The following BRAF variants were observed in gnomAD, a reference collection of about 807,000 sequenced individuals.
BRAF encodes B-Raf proto-oncogene, serine/threonine kinase.
Under a neutral mutation model 104.6 loss-of-function variants are expected in BRAF, and 16 were observed. The observed-to-expected ratio is 0.15, with a 90% CI of 0.10 to 0.23. The LOEUF (loss-of-function observed/expected upper bound fraction) is 0.23. Ranked by LOEUF, BRAF falls within the 10% of genes least tolerant of loss-of-function variation. The pLI is 1.00. For synonymous variants in BRAF, 310 were observed against 341.6 expected (o/e 0.91, Z 1.02); for missense variants, 541 against 937.3 (o/e 0.58, Z 5.52).
chr7:140,806,155 G>A (rs1803638563), intron 5 of BRAF, among the ~76,000 whole-genome samples: 1 of 151,998 alleles, frequency 6.6e-6, no homozygotes, highest in Non-Finnish European at 1.5e-5. Context: ...ATGCTTTCTT[G>A]CTCTTCCCTC....
intron 19 of BRAF, chr7:140,730,869 T>C (rs1795907046): frequency 6.6e-6 from 1 of 152,218 alleles, no homozygotes; most frequent in Admixed American, 6.5e-5. Context: ...TACATAGAAT[T>C]TGATAAATTC....
chr7:140,760,887 T>C (rs879606984), intron 14 of BRAF, among the ~76,000 whole-genome samples: 171 of 152,112 alleles, frequency 1.1e-3, no homozygotes, highest in Non-Finnish European at 1.8e-3. Flanking sequence ...TATGGGACTA[T>C]GTGAAAAGAC....
downstream of BRAF, among the ~76,000 whole-genome samples, chr7:140,717,792 T>A (rs1795167464): frequency 1.3e-5 from 2 of 152,202 alleles, no homozygotes; most frequent in South Asian, 4.1e-4. Flanking sequence ...TAATCACACA[T>A]GAAGGTTTAG....
At chr7:140,782,543 T>C (rs922731918) in intron 11 of BRAF, among the ~76,000 whole-genome samples, 1 of 152,112 alleles carries the variant, frequency 6.6e-6, no homozygotes, top group Non-Finnish European at 1.5e-5. Context: ...GTAGCAATAC[T>C]ACGGCTAAAC....
intron 14 of BRAF, among the ~76,000 whole-genome samples, chr7:140,768,065 C>T (rs906329332): frequency 6.6e-6 from 1 of 151,966 alleles, no homozygotes; most frequent in Non-Finnish European, 1.5e-5. Context: ...AAAAGGAAAA[C>T]CCAGTATGAT....
chr7:140,859,685 ATTTTTTTT>A (rs60932962), intron 1 of BRAF, among the ~76,000 whole-genome samples: 4 of 131,664 alleles, frequency 3.0e-5, no homozygotes, highest in African/African-American at 1.2e-4. Flanking sequence ...CTGATTGTAA[ATTTTTTTT>A]TTTTTTTTTT....
At chr7:140,839,589 G>T (rs1332365218) in intron 2 of BRAF, among the ~76,000 whole-genome samples, 1 of 152,078 alleles carries the variant, frequency 6.6e-6, no homozygotes, top group Non-Finnish European at 1.5e-5. Flanking sequence ...ACTTGGCTGG[G>T]CATGGTGGCA....
At chr7:140,876,502 A>G (rs935845554) in intron 1 of BRAF, among the ~76,000 whole-genome samples, 1 of 152,234 alleles carries the variant, frequency 6.6e-6, no homozygotes, top group Non-Finnish European at 1.5e-5. Context: ...AATAGTCTAT[A>G]GATACAAATT....
At chr7:140,877,298 G>GT (rs1487930634) in intron 1 of BRAF, among the ~76,000 whole-genome samples, 1 of 111,998 alleles carries the variant, frequency 8.9e-6, no homozygotes. Context: ...AGAGATGGGG[G>GT]GGGGGGTGGG....
chr7:140,740,717 T>A (rs967708922), intron 17 of BRAF: 1 of 152,248 alleles, frequency 6.6e-6, no homozygotes, highest in Non-Finnish European at 1.5e-5. Context: ...CCATAAAAGA[T>A]CCCTGCTACA....
At chr7:140,791,870 G>A (rs1802003156) in intron 8 of BRAF, among the ~76,000 whole-genome samples, 1 of 152,152 alleles carries the variant, frequency 6.6e-6, no homozygotes, top group Non-Finnish European at 1.5e-5. Flanking sequence ...ACAGTATAGT[G>A]GTTAAGTGTA....
intron 1 of BRAF, among the ~76,000 whole-genome samples, chr7:140,857,297 C>T (rs896134408): frequency 2.0e-5 from 3 of 152,154 alleles, no homozygotes; most frequent in Non-Finnish European, 4.4e-5. Flanking sequence ...AGCAGTGCAG[C>T]TCTAGGAGCT....
At chr7:140,770,951 A>G (rs1799789267) in intron 14 of BRAF, among the ~76,000 whole-genome samples, 1 of 150,914 alleles carries the variant, frequency 6.6e-6, no homozygotes, top group South Asian at 2.1e-4. Context: ...AAAAAAAACC[A>G]AAAAAGAAGA....
At position 140,850,167 on chromosome 7, in the gene BRAF, C is replaced by G; in HGVS notation, c.184G>C (p.Glu62Gln). The G allele has an allele frequency of 6.2e-7, 1 of 1,612,044 alleles. No individual in the cohort carries two copies. Among genetic ancestry groups the G allele is most frequent in the Non-Finnish European group, 8.5e-7 (1 of 1,179,106 alleles). The change falls in exon 2 of 20, where the codon GAG becomes CAG. Residue 62 changes from glutamate (E) to glutamine (Q), a missense_variant. Glu to Gln is a conservative substitution (Grantham distance 29). Around this residue, in one of 10 missense-constraint regions of BRAF, gnomAD observed 86 missense variants for 133.9 expected, o/e 0.64. Coordinates refer to ENST00000644969, the MANE Select transcript of BRAF (RefSeq NM_001374258.1). Reference protein sequence around the residue: ...QMIKLTQEHIEALLDKFGGEH... With the variant: ...QMIKLTQEHIQALLDKFGGEH... ...CCACCAAATTTGTCCAATAGGGCCT[C>G]TATATGTTCCTGTGTCAACTTAATC... is the stretch of plus-strand genomic sequence containing the variant.
rs557924197 is a variant in BRAF at position 140,780,302 on chromosome 7, G to A, written c.1552+1274C>T. On this transcript the variant is annotated intron_variant, in intron 12 of 19. Coordinates refer to ENST00000644969, the MANE Select transcript of BRAF (RefSeq NM_001374258.1). The stretch of plus-strand genomic sequence containing the variant: ...GTTATCCAGGTTGGAGTGCAATGGC[G>A]GGATCTCGGCTCACTGCAACCTCCA... 6 of 150,334 alleles carry A rather than the reference G, an allele frequency of 4.0e-5. No individual in the cohort carries two copies. The South Asian group carries it at 8.5e-4, about 21-fold the overall frequency. The allele number at this position is 150,334 out of a possible 1,614,324, so 9.3% of individuals were successfully genotyped here. A position where few individuals can be genotyped will look rare whatever the true frequency, so the allele number is the denominator to read the frequency against.
chr7:140,763,421 C>A (rs1483373507), intron 14 of BRAF, among the ~76,000 whole-genome samples: 3 of 151,688 alleles, frequency 2.0e-5, no homozygotes, highest in Admixed American at 2.0e-4. Context: ...CGGGCAGAGG[C>A]GCCCCTCACC....
chr7:140,812,442 T>C (rs774679336), intron 3 of BRAF, among the ~76,000 whole-genome samples: 1 of 152,208 alleles, frequency 6.6e-6, no homozygotes, highest in African/African-American at 2.4e-5. Context: ...GACTTGGAGC[T>C]ATCTATCCTT....
chr7:140,922,833 C>T (rs1818371105), intron 1 of BRAF, among the ~76,000 whole-genome samples: 1 of 152,020 alleles, frequency 6.6e-6, no homozygotes, highest in South Asian at 2.1e-4. Flanking sequence ...AAAGAGGAAG[C>T]TTCAGAAAGT....
At chr7:140,909,639 G>T (rs1385996832) in intron 1 of BRAF, among the ~76,000 whole-genome samples, 3 of 152,056 alleles carry the variant, frequency 2.0e-5, no homozygotes, top group Non-Finnish European at 4.4e-5. Context: ...TTTTCTAAAG[G>T]GGTGGAGTAC....
Sources: gnomAD v4.1 joint callset for allele counts (sites outside exome capture counted in the v4.1 genomes callset) on GRCh38, gnomAD v4.1.1 for gene constraint, gnomAD v4.1.1 regional missense constraint, MANE v1.5 for transcripts, NCBI Gene and HGNC (gene_info 2026-07-23, HGNC 2026-07-21) for gene names.